CAP2: variants seen among roughly 807,000 people sequenced by gnomAD.
CAP2 encodes the protein cyclase associated actin cytoskeleton regulatory protein 2.
Under a neutral mutation model 57.7 loss-of-function variants are expected in CAP2, and 24 were observed. The ratio of observed to expected loss-of-function variants is 0.42; its 90% CI spans 0.30 to 0.58. CAP2 has a LOEUF of 0.58. Among genes scored for constraint, CAP2 ranks in the 20% least tolerant of loss-of-function variants. The pLI, the probability that CAP2 is intolerant of heterozygous loss-of-function variation, is 0.22. For synonymous variants in CAP2, 194 were observed against 207.2 expected (o/e 0.94, Z 0.55); for missense variants, 501 against 590.3 (o/e 0.85, Z 1.57).
chr6:17,460,503 G>T (rs1447696828), intron 3 of CAP2, among the ~76,000 whole-genome samples: 2 of 152,186 alleles, frequency 1.3e-5, no homozygotes, highest in Non-Finnish European at 2.9e-5. Flanking sequence ...GGAAGATAGG[G>T]ATCAGAGATG....
chr6:17,466,464 G>A (rs1760867593), intron 4 of CAP2, among the ~76,000 whole-genome samples: 1 of 152,222 alleles, frequency 6.6e-6, no homozygotes, highest in Non-Finnish European at 1.5e-5. Context: ...ATCCTGTGCT[G>A]TATGGATGGC....
At chr6:17,430,727 C>T (rs186632734) in intron 3 of CAP2, among the ~76,000 whole-genome samples, 24 of 152,122 alleles carry the variant, frequency 1.6e-4, no homozygotes, top group Admixed American at 1.1e-3. Flanking sequence ...TTCGTAGAGA[C>T]GGGGTTTTAC....
chr6:17,455,566 C>T (rs932214772), intron 3 of CAP2, among the ~76,000 whole-genome samples: 6 of 151,160 alleles, frequency 4.0e-5, no homozygotes, highest in Non-Finnish European at 8.8e-5. Context: ...GACAGAGTCT[C>T]GCTCTGTCGC....
At position 17,554,715 on chromosome 6, in the gene CAP2, G is replaced by A. The variant is rs561799646; in HGVS notation, c.1351-1644G>A. Among the ~76,000 whole-genome samples the A allele has an allele frequency of 9.2e-5, 14 of 152,348 alleles. No individual in the cohort carries two copies. In the South Asian group the frequency reaches 1.2e-3, roughly 14 times the overall value. On this transcript the variant is annotated intron_variant, in intron 12 of 12. Transcript: ENST00000229922. ...GACACATGAGGTTTCAATGAGCACCGCATGGACTGGAAGTCCGAGGAGGCC... is the reference window on the plus strand; with the variant it reads ...GACACATGAGGTTTCAATGAGCACCACATGGACTGGAAGTCCGAGGAGGCC...
chr6:17,424,786 G>A (rs1269925320), intron 2 of CAP2, among the ~76,000 whole-genome samples: 1 of 152,142 alleles, frequency 6.6e-6, no homozygotes, highest in East Asian at 1.9e-4. Flanking sequence ...AAAGGAAATT[G>A]GAAAATATTC....
chr6:17,545,450 A>C (rs1763019723), intron 11 of CAP2, among the ~76,000 whole-genome samples: 1 of 152,190 alleles, frequency 6.6e-6, no homozygotes, highest in Admixed American at 6.5e-5. Flanking sequence ...AAAAATCTTA[A>C]ACCAAGAAGA....
intron 3 of CAP2, among the ~76,000 whole-genome samples, chr6:17,443,112 C>T (rs73369444): frequency 0.013 from 1,986 of 152,220 alleles, 52 homozygotes; most frequent in African/African-American, 0.046. Context: ...ATTAGCTGAG[C>T]ATGGTGGCAC....
At chr6:17,478,376 G>C (rs1761209131) in intron 4 of CAP2, among the ~76,000 whole-genome samples, 1 of 149,144 alleles carries the variant, frequency 6.7e-6, no homozygotes, top group African/African-American at 2.5e-5. Context: ...AAACTCCTGA[G>C]CTTAAGCAAT....
chr6:17,546,748 G>A (rs1763057132), intron 11 of CAP2, among the ~76,000 whole-genome samples: 1 of 152,168 alleles, frequency 6.6e-6, no homozygotes, highest in Non-Finnish European at 1.5e-5. Context: ...AAAACTGGAA[G>A]CACTCCCTTC....
At chr6:17,515,612 A>T (rs141525957) in intron 7 of CAP2, among the ~76,000 whole-genome samples, 1 of 152,316 alleles carries the variant, frequency 6.6e-6, no homozygotes, top group Non-Finnish European at 1.5e-5. Context: ...AACCTAAAGT[A>T]AAGGTTGAAA....
chr6:17,520,900 T>C (rs1581591215), intron 7 of CAP2, among the ~76,000 whole-genome samples: 1 of 152,220 alleles, frequency 6.6e-6, no homozygotes, highest in African/African-American at 2.4e-5. Context: ...TTAATCAAAG[T>C]GAATGGGCAG....
In CAP2 at chr6:17,461,784, A is replaced by T. The variant is rs371214175; in HGVS notation, c.223-1212A>T. ...AAGGTGGGCGGATCATGAGGTCAGG[A>T]GATCGAGACCATCCTGGCGAACACT... On this transcript the variant is annotated intron_variant, in intron 3 of 12. Coordinates refer to ENST00000229922, the MANE Select transcript of CAP2 (RefSeq NM_006366.3). Among the ~76,000 whole-genome samples, 74 of 150,826 alleles carry T rather than the reference A, an allele frequency of 4.9e-4. 1 individual carries two copies. In the South Asian group the frequency reaches 0.015, roughly 31 times the overall value.
At chr6:17,496,911 TAAGAG>T (rs1377097477) in intron 4 of CAP2, among the ~76,000 whole-genome samples, 6 of 152,154 alleles carry the variant, frequency 3.9e-5, no homozygotes, top group Non-Finnish European at 8.8e-5. Context: ...ATGGGCCACT[TAAGAG>T]GAGAGAGACA....
chr6:17,462,321 G>A (rs1581539277), intron 3 of CAP2, among the ~76,000 whole-genome samples: 1 of 152,108 alleles, frequency 6.6e-6, no homozygotes, highest in Non-Finnish European at 1.5e-5. Flanking sequence ...TAGAATGTGG[G>A]CACAGTGTGA....
intron 11 of CAP2, among the ~76,000 whole-genome samples, chr6:17,545,743 G>C (rs1763028449): frequency 6.6e-6 from 1 of 151,864 alleles, no homozygotes; most frequent in African/African-American, 2.4e-5. Flanking sequence ...TCCCCTTCCT[G>C]TGTCCAAATG....
intron 7 of CAP2, among the ~76,000 whole-genome samples, chr6:17,529,531 C>T (rs913380002): frequency 6.6e-6 from 1 of 151,720 alleles, no homozygotes; most frequent in Non-Finnish European, 1.5e-5. Flanking sequence ...GTCCCAGCTA[C>T]TCAGGAGGCT....
chr6:17,498,568 G>C (rs1309946282), intron 4 of CAP2, among the ~76,000 whole-genome samples: 1 of 152,080 alleles, frequency 6.6e-6, no homozygotes, highest in South Asian at 2.1e-4. Context: ...CCAGGCTCCA[G>C]ATCTCTTCCT....
intron 7 of CAP2, among the ~76,000 whole-genome samples, chr6:17,532,134 CTTTTTTTTTTT>C (rs35428314): frequency 1.5e-4 from 13 of 86,000 alleles, no homozygotes; most frequent in African/African-American, 4.3e-4. Flanking sequence ...GTTTGAAAAT[CTTTTTTTTTTT>C]TTTTTTTTTT....
intron 3 of CAP2, among the ~76,000 whole-genome samples, chr6:17,443,020 C>G (rs549236193): frequency 6.6e-6 from 1 of 152,158 alleles, no homozygotes; most frequent in South Asian, 2.1e-4. Context: ...CCCGGCTGGC[C>G]CCATCACTAT....
Sources: allele counts gnomAD v4.1 joint callset (sites outside exome capture counted in the v4.1 genomes callset), GRCh38; gene constraint gnomAD v4.1.1; transcripts MANE v1.5; gene names NCBI Gene and HGNC (gene_info 2026-07-23, HGNC 2026-07-21).